The following TUT7 variants were observed in gnomAD, a reference collection of about 807,000 sequenced individuals.
TUT7 encodes terminal uridylyltransferase 7.
Under a neutral mutation model 165.9 loss-of-function variants are expected in TUT7, and 33 were observed. That is an observed-to-expected ratio of 0.20 (90% CI 0.15 to 0.27). TUT7 has a LOEUF of 0.27. Among genes scored for constraint, TUT7 ranks in the 10% least tolerant of loss-of-function variants. TUT7 has a pLI of 1.00. For missense variants in TUT7, 1,338 were observed against 1,762.3 expected, an observed-to-expected ratio of 0.76 and a Z score of 4.31; for synonymous variants, 552 against 608.1, an observed-to-expected ratio of 0.91 and a Z score of 1.36.
At position 86,343,183 on chromosome 9, in the gene TUT7, A is replaced by G. The variant is rs1831462843; in HGVS notation, c.998-20T>C. On this transcript the variant is annotated intron_variant, in intron 5 of 26. Transcript: ENST00000375963. ...AACAATCTAAAAAATAAATAAATAA[A>G]TAAAAGTAATAAATACAGTAGAATT... The G allele has an allele frequency of 7.2e-7, 1 of 1,392,882 alleles. No individual in the cohort carries two copies. The highest frequency in any genetic ancestry group is 9.8e-7 in the Non-Finnish European group (1 of 1,023,624). The allele number at this position is 1,392,882 out of a possible 1,614,324, so 86.3% of individuals were successfully genotyped here. A position where few individuals can be genotyped will look rare whatever the true frequency, so the allele number is the denominator to read the frequency against.
intron 12 of TUT7, 33 bp from the exon 13 acceptor site, chr9:86,323,993 A>G (rs770136841): frequency 6.8e-7 from 1 of 1,469,572 alleles, no homozygotes; most frequent in African/African-American, 1.4e-5. Context: ...AGAAAAATCC[A>G]TCTCTTCATA....
intron 22 of TUT7, among the ~76,000 whole-genome samples, 165 bp from the exon 23 acceptor site, chr9:86,305,404 A>G (rs1317443599): frequency 1.3e-5 from 2 of 152,234 alleles, no homozygotes; most frequent in African/African-American, 4.8e-5. Flanking sequence ...AAAAGTTTAA[A>G]ATGACACCTG....
At chr9:86,326,233 C>G (rs898290370) in intron 11 of TUT7, 1 of 152,354 alleles carries the variant, frequency 6.6e-6, no homozygotes, top group South Asian at 2.1e-4. Flanking sequence ...GCTAAGAGAA[C>G]AGGCTTTGGA....
intron 25 of TUT7, among the ~76,000 whole-genome samples, chr9:86,302,168 G>A (rs555863971): frequency 6.6e-6 from 1 of 152,180 alleles, no homozygotes; most frequent in African/African-American, 2.4e-5. Context: ...AAATATTGCT[G>A]TACAGTTAAA....
rs752414637 is a variant in TUT7, at chr9:86,288,152, T to C, written c.*525A>G. ...CCACATAAATAGGTACTCATGTTCA[T>C]GTTATCACGTCTACAAATAGCAATA... On this transcript the variant is annotated 3_prime_UTR_variant, in exon 27 of 27. Transcript: ENST00000375963. 6.6e-6 allele frequency: 1 copy of C among 152,294 alleles called. No homozygotes were observed. The allele number at this position is 152,294 out of a possible 1,614,324, so 9.4% of individuals were successfully genotyped here.
intron 14 of TUT7, among the ~76,000 whole-genome samples, chr9:86,321,313 C>T (rs979566966): frequency 3.3e-5 from 5 of 151,806 alleles, no homozygotes; most frequent in East Asian, 1.9e-4. Flanking sequence ...GCTGAGATCG[C>T]ACCACTGCAC....
At chr9:86,298,771 C>G (rs1224219644) in intron 26 of TUT7, 6 of 984,704 alleles carry the variant, frequency 6.1e-6, no homozygotes, top group Non-Finnish European at 7.2e-6. Flanking sequence ...ACATACCTGA[C>G]TGGGGACTCA....
At chr9:86,303,914 A>C (rs1298058577) in intron 24 of TUT7, among the ~76,000 whole-genome samples, 1 of 152,272 alleles carries the variant, frequency 6.6e-6, no homozygotes, top group Non-Finnish European at 1.5e-5. Flanking sequence ...AGATGTAATC[A>C]AACACTGAAT....
chr9:86,335,802 T>C (rs1286247896), intron 10 of TUT7, among the ~76,000 whole-genome samples: 1 of 152,202 alleles, frequency 6.6e-6, no homozygotes, highest in African/African-American at 2.4e-5. Context: ...ATCATTTTGG[T>C]TCGGGTGGTA....
chr9:86,353,345 A>AT lies in TUT7; in HGVS notation c.-31-116dup, dbSNP rs1378367113. The AT allele has an allele frequency of 2.6e-5, 21 of 812,424 alleles. No homozygotes were observed. The East Asian group carries it at 3.5e-4, about 14-fold the overall frequency. The allele number at this position is 812,424 out of a possible 1,614,324, so 50.3% of individuals were successfully genotyped here. On this transcript the variant is annotated intron_variant, in intron 1 of 26. Coordinates refer to ENST00000375963, the MANE Select transcript of TUT7 (RefSeq NM_024617.4). The stretch of plus-strand genomic sequence containing the variant: ...AAAGCCTGTAAGAAAGAAACTCCCT[A>AT]TTTTTTTAAAATAAAAATTCTATCA...
In TUT7 at chr9:86,344,968, A is replaced by C. The variant is rs760852384; in HGVS notation, c.997+9T>G. 9.6e-5 allele frequency: 154 copies of C among 1,600,086 alleles called. No homozygotes were observed. Among genetic ancestry groups the C allele is most frequent in the Non-Finnish European group, 1.3e-4 (149 of 1,174,062 alleles). Reference sequence around the variant, plus strand: ...GGTAGTTAAATAGAAAAACAAATCTAGAAAATACCTGGTAACTTGTGTTGG... The same window carrying C: ...GGTAGTTAAATAGAAAAACAAATCTCGAAAATACCTGGTAACTTGTGTTGG... On this transcript the variant is annotated intron_variant, in intron 5 of 26. Coordinates refer to ENST00000375963, the MANE Select transcript of TUT7 (RefSeq NM_024617.4).
chr9:86,303,948 C>T (rs973766562), intron 24 of TUT7, among the ~76,000 whole-genome samples: 33 of 152,140 alleles, frequency 2.2e-4, no homozygotes, highest in African/African-American at 7.0e-4. Context: ...AATACACTTA[C>T]GTTAAATTTT....
At chr9:86,312,149 G>C (rs942135892) in intron 17 of TUT7, among the ~76,000 whole-genome samples, 1 of 151,154 alleles carries the variant, frequency 6.6e-6, no homozygotes, top group Non-Finnish European at 1.5e-5. Flanking sequence ...GTCTCTGCCC[G>C]GCCACCATCC....
chr9:86,312,487 G>A (rs1463641759), intron 17 of TUT7, among the ~76,000 whole-genome samples: 2 of 151,240 alleles, frequency 1.3e-5, no homozygotes, highest in African/African-American at 4.9e-5. Flanking sequence ...CGGGAGGGAG[G>A]TGGGGGGGTC....
intron 1 of TUT7, 77 bp from the exon 2 acceptor site, chr9:86,353,307 G>T: frequency 8.3e-7 from 1 of 1,202,690 alleles, no homozygotes; most frequent in Non-Finnish European, 1.1e-6. Context: ...ACAATTTATC[G>T]TACAGATGCC....
chr9:86,339,358 A>G (rs1003586819), intron 8 of TUT7, among the ~76,000 whole-genome samples: 2 of 152,106 alleles, frequency 1.3e-5, no homozygotes, highest in African/African-American at 2.4e-5. Context: ...CTCTACTAAA[A>G]ATATAAAAAA....
intron 5 of TUT7, 80 bp downstream of exon 5, chr9:86,344,897 T>A (rs879476795): frequency 1.2e-5 from 16 of 1,286,070 alleles, no homozygotes; most frequent in Non-Finnish European, 1.6e-5. Flanking sequence ...AAATTTTTAT[T>A]TGATGAAAAT....
intron 22 of TUT7, among the ~76,000 whole-genome samples, chr9:86,307,143 C>A (rs1415583047): frequency 1.3e-5 from 2 of 151,706 alleles, no homozygotes; most frequent in Admixed American, 6.6e-5. Context: ...CGTGGTGGCA[C>A]GGCACCTGTA....
chr9:86,343,904 T>G (rs988411834), intron 5 of TUT7, among the ~76,000 whole-genome samples: 1 of 152,188 alleles, frequency 6.6e-6, no homozygotes. Flanking sequence ...TCTTGTTTGT[T>G]TAAGGTTTGC....
Sources: gnomAD v4.1 joint callset for allele counts (sites outside exome capture counted in the v4.1 genomes callset) on GRCh38, gnomAD v4.1.1 for gene constraint, MANE v1.5 for transcripts, NCBI Gene and HGNC (gene_info 2026-07-23, HGNC 2026-07-21) for gene names.